Variants in WWOX observed in about 807,000 individuals in gnomAD.
WWOX encodes WW domain-containing oxidoreductase.
A neutral mutation model predicts 46.2 loss-of-function variants in WWOX; 69 were observed. The observed-to-expected ratio is 1.49, with a 90% confidence interval of 1.23 to 1.82. The LOEUF (loss-of-function observed/expected upper bound fraction) is 1.82. WWOX is among the 40% of genes most tolerant of loss of function. The probability of loss-of-function intolerance (pLI) is 0.00; values close to 1 mark genes in which losing one functional copy is unlikely to be tolerated. For synonymous variants in WWOX, 359 were observed against 202.6 expected (o/e 1.77, Z -6.56); for missense variants, 919 against 542.6 (o/e 1.69, Z -6.89).
chr16:78,484,052 C>A lies in WWOX; in HGVS notation c.1056+51300C>A, dbSNP rs961739465. ...AGGGTCAGTTATAGATAAGTATGCT[C>A]CCTTGCAATGAAATGAACCCACTTT... is the stretch of plus-strand genomic sequence containing the variant. On this transcript the variant is annotated intron_variant, in intron 8 of 8. Transcript: ENST00000566780. Among the ~76,000 whole-genome samples, 3 of 152,182 alleles carry A rather than the reference C, an allele frequency of 2.0e-5. 1 individual carries two copies. Among genetic ancestry groups the A allele is most frequent in the Admixed American group, 6.5e-5 (1 of 15,294 alleles).
At chr16:78,430,712 G>T (rs1567569091) in intron 7 of WWOX, among the ~76,000 whole-genome samples, 1 of 152,108 alleles carries the variant, frequency 6.6e-6, no homozygotes, top group Non-Finnish European at 1.5e-5. Flanking sequence ...TCGTTTCAAG[G>T]TCTCATTTCT....
chr16:78,691,235 A>T (rs931489556), intron 8 of WWOX: 1 of 702,040 alleles, frequency 1.4e-6, no homozygotes, highest in African/African-American at 1.7e-5. Context: ...CTTGTTTGTG[A>T]TTCCAGGTTT....
intron 8 of WWOX, among the ~76,000 whole-genome samples, chr16:78,510,950 A>G (rs1281859838): frequency 6.6e-6 from 1 of 152,212 alleles, no homozygotes; most frequent in African/African-American, 2.4e-5. Context: ...TGTTGTTTCC[A>G]TCTGATATCA....
intron 5 of WWOX, among the ~76,000 whole-genome samples, chr16:78,332,044 T>C (rs907790059): frequency 1.3e-5 from 2 of 152,010 alleles, no homozygotes; most frequent in Non-Finnish European, 2.9e-5. Flanking sequence ...TCTCAGGGAG[T>C]CTGATTACTG....
At chr16:79,040,446 T>G (rs2047949299) in intron 8 of WWOX, among the ~76,000 whole-genome samples, 1 of 151,950 alleles carries the variant, frequency 6.6e-6, no homozygotes, top group African/African-American at 2.4e-5. Flanking sequence ...GATAATTGTT[T>G]TGCATCTTTG....
intron 8 of WWOX, among the ~76,000 whole-genome samples, chr16:79,109,189 C>G (rs190757867): frequency 5.3e-5 from 8 of 152,294 alleles, no homozygotes; most frequent in Admixed American, 2.6e-4. Flanking sequence ...TCTGTGTAAA[C>G]TGTACTAAGC....
At chr16:79,191,457 C>T (rs1421176444) in intron 8 of WWOX, among the ~76,000 whole-genome samples, 1 of 151,996 alleles carries the variant, frequency 6.6e-6, no homozygotes, top group Non-Finnish European at 1.5e-5. Flanking sequence ...CATTTCCATA[C>T]ATTTTGCTTA....
chr16:78,119,403 A>G (rs1392471695), intron 4 of WWOX, among the ~76,000 whole-genome samples: 1 of 152,146 alleles, frequency 6.6e-6, no homozygotes, highest in Non-Finnish European at 1.5e-5. Context: ...TTTAGTATAA[A>G]ATGCTGCCCC....
At chr16:78,567,903 C>G (rs2256854) in intron 8 of WWOX, among the ~76,000 whole-genome samples, 1 of 152,192 alleles carries the variant, frequency 6.6e-6, no homozygotes, top group African/African-American at 2.4e-5. Flanking sequence ...AACAAGCACC[C>G]TGCTGCCCTT....
At chr16:78,864,390 C>G (rs536799737) in intron 8 of WWOX, among the ~76,000 whole-genome samples, 1 of 152,038 alleles carries the variant, frequency 6.6e-6, no homozygotes, top group African/African-American at 2.4e-5. Flanking sequence ...ACCTCAGCCT[C>G]CTGAGTAGAT....
Position 79,180,480 on chromosome 16 carries a change from C to T in WWOX, c.1057-31128C>T, listed in dbSNP as rs9922810. 9.6e-3 allele frequency among the ~76,000 whole-genome samples: 1,461 copies of T among 152,244 alleles called. 22 individuals carry two copies. The highest frequency in any genetic ancestry group is 0.033 in the African/African-American group (1,356 of 41,538). ...GTGGTGATGGTGCTGCCTCTGTAAC[C>T]AGGCTCAGCTGTGTGTCTTCGTGAG... On this transcript the variant is annotated intron_variant, in intron 8 of 8. Coordinates refer to ENST00000566780, the MANE Select transcript of WWOX (RefSeq NM_016373.4).
intron 8 of WWOX, among the ~76,000 whole-genome samples, chr16:78,927,635 A>G (rs2045528704): frequency 6.6e-6 from 1 of 152,154 alleles, no homozygotes; most frequent in Non-Finnish European, 1.5e-5. Flanking sequence ...TTTCCTTTAA[A>G]TCTAAATTGG....
chr16:79,075,600 T>G (rs2048640804), intron 8 of WWOX, among the ~76,000 whole-genome samples: 1 of 152,042 alleles, frequency 6.6e-6, no homozygotes, highest in East Asian at 1.9e-4. Context: ...TCACCCAGGC[T>G]GGAGTTTAGT....
chr16:78,372,019 C>T (rs1426092607), intron 5 of WWOX, among the ~76,000 whole-genome samples: 1 of 152,036 alleles, frequency 6.6e-6, no homozygotes, highest in Admixed American at 6.6e-5. Context: ...AAGAAGTGTA[C>T]CTCCCTTAGA....
At chr16:78,703,111 C>CT (rs1455853983) in intron 8 of WWOX, among the ~76,000 whole-genome samples, 1 of 152,080 alleles carries the variant, frequency 6.6e-6, no homozygotes, top group African/African-American at 2.4e-5. Context: ...AGGGACCTTG[C>CT]TTTTAGTCAG....
intron 7 of WWOX, 125 bp from the exon 8 acceptor site, chr16:78,432,363 C>T (rs2083241587): frequency 7.5e-7 from 1 of 1,333,436 alleles, no homozygotes; most frequent in African/African-American, 1.5e-5. Context: ...GTCTAAGACT[C>T]CCAAAGTGCT....
chr16:78,151,373 C>T (rs1260141058), intron 4 of WWOX, among the ~76,000 whole-genome samples: 1 of 152,130 alleles, frequency 6.6e-6, no homozygotes, highest in African/African-American at 2.4e-5. Context: ...GCCCTCTGAT[C>T]TTGTGAGTTC....
intron 8 of WWOX, among the ~76,000 whole-genome samples, chr16:78,948,409 G>T (rs1459651561): frequency 6.6e-6 from 1 of 152,080 alleles, no homozygotes; most frequent in Admixed American, 6.6e-5. Flanking sequence ...ATCTTTTCTG[G>T]GTGGCTAGAC....
rs1219806409 is a variant in WWOX, at chr16:78,340,021, G to T, written c.517-46839G>T. On this transcript the variant is annotated intron_variant, in intron 5 of 8. Coordinates refer to ENST00000566780, the MANE Select transcript of WWOX (RefSeq NM_016373.4). ...CTAGTCTTTCCATGGATTTGGTGGG[G>T]GGGGGGGGGACGTTTCTATTTCCTT... Among the ~76,000 whole-genome samples the T allele has an allele frequency of 8.2e-5, 4 of 49,056 alleles. 1 individual carries two copies. Among genetic ancestry groups the T allele is most frequent in the African/African-American group, 2.5e-4 (4 of 16,122 alleles). 32.2% of individuals were successfully genotyped at this position (49,056 alleles called of 152,430 possible).
Sources: gnomAD v4.1 joint callset for allele counts (sites outside exome capture counted in the v4.1 genomes callset) on GRCh38, gnomAD v4.1.1 for gene constraint, MANE v1.5 for transcripts, NCBI Gene and HGNC (gene_info 2026-07-23, HGNC 2026-07-21) for gene names.